PTBP3: variants seen among roughly 807,000 people sequenced by gnomAD.
PTBP3 encodes the protein polypyrimidine tract binding protein 3, also known as polypyrimidine tract-binding protein 3.
In PTBP3, 20 loss-of-function variants were observed where a neutral mutation model predicts 58.7. The observed-to-expected ratio is 0.34, with a 90% CI of 0.24 to 0.50. The LOEUF is 0.50. Among genes scored for constraint, PTBP3 ranks in the 20% least tolerant of loss-of-function variants. PTBP3 has a pLI of 0.98. For synonymous variants in PTBP3, 185 were observed against 219.8 expected (o/e 0.84, Z 1.40); for missense variants, 509 against 637.2 (o/e 0.80, Z 2.17).
At chr9:112,264,875 T>C (rs1346012810) in intron 4 of PTBP3, among the ~76,000 whole-genome samples, 1 of 152,176 alleles carries the variant, frequency 6.6e-6, no homozygotes, top group East Asian at 1.9e-4. Context: ...TAAATTGTTT[T>C]TTCCCTTCAA....
the PTBP3 span, among the ~76,000 whole-genome samples, chr9:112,339,152 G>A: frequency 7.2e-5 from 11 of 151,970 alleles, no homozygotes; most frequent in South Asian, 2.1e-4. Flanking sequence ...TTAGCCAGGC[G>A]TGGTGGCTCA....
chr9:112,278,793 G>A (rs2132220382), intron 2 of PTBP3, among the ~76,000 whole-genome samples: 1 of 152,228 alleles, frequency 6.6e-6, no homozygotes, highest in South Asian at 2.1e-4. Context: ...TGTAAAACGG[G>A]TATAACAAGA....
At chr9:112,352,355 T>C in the PTBP3 span, among the ~76,000 whole-genome samples, 2 of 152,180 alleles carry the variant, frequency 1.3e-5, no homozygotes, top group South Asian at 2.1e-4. Flanking sequence ...TGGCCTGTCA[T>C]AGGATTTTAA....
chr9:112,306,760 C>A (rs1829238216), intron 1 of PTBP3, among the ~76,000 whole-genome samples: 1 of 151,784 alleles, frequency 6.6e-6, no homozygotes, highest in African/African-American at 2.4e-5. Context: ...GGATTACAGG[C>A]ACACACCACC....
At chr9:112,251,749 C>T (rs546565678) in intron 6 of PTBP3, among the ~76,000 whole-genome samples, 1 of 152,000 alleles carries the variant, frequency 6.6e-6, no homozygotes, top group East Asian at 1.9e-4. Context: ...TTCACAAATG[C>T]TTGAATTTAT....
chr9:112,230,646 C>T (rs1429823781), intron 10 of PTBP3, among the ~76,000 whole-genome samples: 1 of 151,920 alleles, frequency 6.6e-6, no homozygotes, highest in Non-Finnish European at 1.5e-5. Context: ...AATAATCTAC[C>T]CTTGGATTAC....
intron 1 of PTBP3, among the ~76,000 whole-genome samples, chr9:112,328,354 A>G (rs1830238015): frequency 6.6e-6 from 1 of 152,248 alleles, no homozygotes; most frequent in African/African-American, 2.4e-5. Flanking sequence ...ATAATTTTAC[A>G]TTCCCAGATC....
chr9:112,372,869 T>C, the PTBP3 span, among the ~76,000 whole-genome samples: 1 of 152,130 alleles, frequency 6.6e-6, no homozygotes, highest in African/African-American at 2.4e-5. Flanking sequence ...GCCGTGAACA[T>C]ATACGTACTT....
At chr9:112,322,349 G>C (rs1028824693) in intron 1 of PTBP3, among the ~76,000 whole-genome samples, 3 of 152,006 alleles carry the variant, frequency 2.0e-5, no homozygotes, top group Non-Finnish European at 2.9e-5. Flanking sequence ...ACCTAAGGGG[G>C]AAAAAAACTG....
chr9:112,256,273 ATATATATATATATATATAT>A (rs1211373806), intron 5 of PTBP3, among the ~76,000 whole-genome samples: 3 of 72,788 alleles, frequency 4.1e-5, no homozygotes, highest in African/African-American at 2.3e-4. Context: ...AAAAAACAAA[ATATATATATATATATATAT>A]ACATATATAT....
chr9:112,299,303 T>C (rs1828816738), intron 1 of PTBP3, among the ~76,000 whole-genome samples: 1 of 152,188 alleles, frequency 6.6e-6, no homozygotes, highest in African/African-American at 2.4e-5. Context: ...CTTTCGAGAT[T>C]TGCAGAAATG....
chr9:112,265,396 G>A (rs981443801), intron 4 of PTBP3, among the ~76,000 whole-genome samples: 1 of 137,160 alleles, frequency 7.3e-6, no homozygotes, highest in Non-Finnish European at 1.6e-5. Context: ...CCAGCTACTC[G>A]TGAGGCTAAG....
At chr9:112,268,440 T>C (rs1827211959) in intron 3 of PTBP3, among the ~76,000 whole-genome samples, 1 of 152,138 alleles carries the variant, frequency 6.6e-6, no homozygotes, top group Non-Finnish European at 1.5e-5. Context: ...ACAACTGTAA[T>C]TCCAGCTACT....
chr9:112,353,712 T>C, the PTBP3 span, among the ~76,000 whole-genome samples: 2 of 152,018 alleles, frequency 1.3e-5, no homozygotes, highest in African/African-American at 4.8e-5. Flanking sequence ...TAGATGCTCT[T>C]TGGGAGGCTG....
intron 5 of PTBP3, 68 bp downstream of exon 5, chr9:112,262,367 A>T: frequency 7.6e-7 from 1 of 1,323,724 alleles, no homozygotes; most frequent in Non-Finnish European, 1.0e-6. Flanking sequence ...CAACTTAGAT[A>T]TAAAACATCA....
At chr9:112,319,839 C>T (rs1829848293) in intron 1 of PTBP3, among the ~76,000 whole-genome samples, 1 of 151,966 alleles carries the variant, frequency 6.6e-6, no homozygotes, top group African/African-American at 2.4e-5. Flanking sequence ...GAATATTACT[C>T]AGTCTTTAAA....
chr9:112,356,187 C>T, the PTBP3 span, among the ~76,000 whole-genome samples: 2 of 151,962 alleles, frequency 1.3e-5, no homozygotes, highest in Non-Finnish European at 2.9e-5. Context: ...CCATGTCGAC[C>T]AGGCCAGTCT....
At chr9:112,378,402 C>T in the PTBP3 span, among the ~76,000 whole-genome samples, 26 of 152,314 alleles carry the variant, frequency 1.7e-4, no homozygotes, top group South Asian at 5.2e-3. Flanking sequence ...TTTGCCTCTT[C>T]GTTGAGCTCT....
chr9:112,231,541 T>C (rs1458959287), intron 9 of PTBP3, 128 bp from the exon 10 acceptor site: 2 of 638,856 alleles, frequency 3.1e-6, no homozygotes, highest in Non-Finnish European at 5.1e-6. Flanking sequence ...CCGTATATAC[T>C]AGTGATGAAT....
Sources: allele counts gnomAD v4.1 joint callset (sites outside exome capture counted in the v4.1 genomes callset), GRCh38; gene constraint gnomAD v4.1.1; transcripts MANE v1.5; gene names NCBI Gene and HGNC (gene_info 2026-07-23, HGNC 2026-07-21).